Variants in FRMD4A observed in about 807,000 individuals in gnomAD.
The protein encoded by FRMD4A is FERM domain containing 4A.
Under a neutral mutation model 129.1 loss-of-function variants are expected in FRMD4A, and 29 were observed. The observed-to-expected ratio is 0.22, with a 90% CI of 0.17 to 0.31. FRMD4A has a LOEUF of 0.31. Ranked by LOEUF, FRMD4A falls within the 10% of genes least tolerant of loss-of-function variation. The probability of loss-of-function intolerance (pLI) is 1.00; values close to 1 mark genes in which losing one functional copy is unlikely to be tolerated. For synonymous variants in FRMD4A, 634 were observed against 571.6 expected (o/e 1.11, Z -1.56); for missense variants, 1,272 against 1,375.8 (o/e 0.92, Z 1.19).
chr10:13,995,077 T>C (rs4750449), intron 2 of FRMD4A, among the ~76,000 whole-genome samples: 1 of 152,162 alleles, frequency 6.6e-6, no homozygotes, highest in East Asian at 1.9e-4. Flanking sequence ...ACTGGATCTC[T>C]TAAGGACAGA....
In FRMD4A at chr10:13,644,755, G is replaced by GA. The variant is rs1443714198; in HGVS notation, c.*2282dup. ...ATCCATGAATCTTCTTTGGGAGAAA[G>GA]AAAAATGGCCCAATGTATAATGTTT... On this transcript the variant is annotated 3_prime_UTR_variant, in exon 25 of 25. Coordinates refer to ENST00000357447, the MANE Select transcript of FRMD4A (RefSeq NM_018027.5). 2 of 150,166 alleles carry GA rather than the reference G, an allele frequency of 1.3e-5. No individual in the cohort carries two copies. Among genetic ancestry groups the GA allele is most frequent in the Non-Finnish European group, 3.0e-5 (2 of 67,506 alleles). 9.3% of individuals were successfully genotyped at this position (150,166 alleles called of 1,614,324 possible). A position where few individuals can be genotyped will look rare whatever the true frequency, so the allele number is the denominator to read the frequency against.
At chr10:13,687,600 T>C (rs778637723) in intron 15 of FRMD4A, among the ~76,000 whole-genome samples, 4 of 152,252 alleles carry the variant, frequency 2.6e-5, no homozygotes, top group African/African-American at 9.6e-5. Context: ...CTTAACCAGA[T>C]GGTTTGAATT....
chr10:13,841,299 G>A (rs2093961283), intron 3 of FRMD4A, among the ~76,000 whole-genome samples: 1 of 152,074 alleles, frequency 6.6e-6, no homozygotes, highest in African/African-American at 2.4e-5. Context: ...CTGATTTTGG[G>A]GAGACAGACA....
At chr10:14,185,460 G>C (rs1022800913) in intron 2 of FRMD4A, among the ~76,000 whole-genome samples, 5 of 152,186 alleles carry the variant, frequency 3.3e-5, no homozygotes, top group South Asian at 2.1e-4. Flanking sequence ...GCAGAAATTA[G>C]TACAAAAAAC....
chr10:13,809,995 A>G (rs924126367), intron 4 of FRMD4A, among the ~76,000 whole-genome samples: 6 of 152,118 alleles, frequency 3.9e-5, no homozygotes, highest in Admixed American at 1.3e-4. Flanking sequence ...GCTCCCCTGT[A>G]CTGTCTTGCC....
At chr10:13,661,311 T>C (rs1333993500) in intron 19 of FRMD4A, among the ~76,000 whole-genome samples, 1 of 152,036 alleles carries the variant, frequency 6.6e-6, no homozygotes, top group Non-Finnish European at 1.5e-5. Flanking sequence ...GGAGGTGCTG[T>C]GGGAGAGGCT....
At chr10:14,263,433 G>GT (rs1170481961) in intron 2 of FRMD4A, among the ~76,000 whole-genome samples, 2 of 152,278 alleles carry the variant, frequency 1.3e-5, no homozygotes, top group Admixed American at 1.3e-4. Flanking sequence ...TTAGGGAACT[G>GT]TTTTTTTAAT....
At chr10:13,876,442 G>A (rs1171371548) in intron 2 of FRMD4A, among the ~76,000 whole-genome samples, 1 of 152,168 alleles carries the variant, frequency 6.6e-6, no homozygotes, top group East Asian at 1.9e-4. Context: ...ATATAAATGT[G>A]TGGTCGAACA....
At chr10:13,987,548 C>T (rs959724906) in intron 2 of FRMD4A, among the ~76,000 whole-genome samples, 2 of 152,164 alleles carry the variant, frequency 1.3e-5, no homozygotes, top group African/African-American at 4.8e-5. Context: ...AGCAGCCAAG[C>T]TGAGACCCTG....
chr10:13,657,806 ATAAT>A (rs1182393951), intron 21 of FRMD4A, among the ~76,000 whole-genome samples: 4 of 124,826 alleles, frequency 3.2e-5, no homozygotes, highest in Non-Finnish European at 6.2e-5. Context: ...TTTTTTTTAA[ATAAT>A]TCTATAGACA....
At chr10:14,080,572 G>C (rs964466097) in intron 2 of FRMD4A, among the ~76,000 whole-genome samples, 3 of 152,208 alleles carry the variant, frequency 2.0e-5, no homozygotes, top group East Asian at 3.9e-4. Context: ...GGGTGGGACT[G>C]TTTGCCAGTG....
chr10:14,316,508 C>CAAAAAA (rs760301974), intron 2 of FRMD4A, among the ~76,000 whole-genome samples: 41 of 109,548 alleles, frequency 3.7e-4, no homozygotes, highest in East Asian at 5.3e-4. Context: ...GTGATAGCAG[C>CAAAAAA]AAAAAAAAAA....
intron 2 of FRMD4A, among the ~76,000 whole-genome samples, chr10:14,191,102 C>G (rs899799419): frequency 6.6e-6 from 1 of 152,126 alleles, no homozygotes; most frequent in African/African-American, 2.4e-5. Context: ...TATATGTTAA[C>G]CTGCACACTC....
intron 3 of FRMD4A, among the ~76,000 whole-genome samples, chr10:13,820,277 G>C (rs918211518): frequency 6.6e-6 from 1 of 152,152 alleles, no homozygotes; most frequent in Non-Finnish European, 1.5e-5. Flanking sequence ...CGAAGACCTC[G>C]TTTCCGTGTA....
intron 2 of FRMD4A, among the ~76,000 whole-genome samples, chr10:14,096,747 C>T (rs1161642943): frequency 6.6e-6 from 1 of 152,154 alleles, no homozygotes; most frequent in Non-Finnish European, 1.5e-5. Flanking sequence ...TGAGCATGAG[C>T]TACAGAAGCA....
intron 2 of FRMD4A, among the ~76,000 whole-genome samples, chr10:14,127,840 A>C (rs1272502058): frequency 6.6e-6 from 1 of 151,994 alleles, no homozygotes; most frequent in Non-Finnish European, 1.5e-5. Context: ...CATCACTCTG[A>C]AGCCTTCCTA....
chr10:14,272,896 C>A (rs1445208323), intron 2 of FRMD4A, among the ~76,000 whole-genome samples: 1 of 152,112 alleles, frequency 6.6e-6, no homozygotes, highest in Admixed American at 6.5e-5. Context: ...ACGTCTTGGT[C>A]TTTGAAATAT....
chr10:13,767,193 A>T lies in FRMD4A; in HGVS notation c.385-4513T>A, dbSNP rs188446288. Among the ~76,000 whole-genome samples, 16 of 151,698 alleles carry T rather than the reference A, an allele frequency of 1.1e-4. No homozygotes were observed. In the East Asian group the frequency reaches 3.1e-3, roughly 29 times the overall value. On this transcript the variant is annotated intron_variant, in intron 6 of 24. Transcript: ENST00000357447. Reference sequence around the variant, plus strand: ...GCTCCCATATGACATTAAGAAAATGACTCTCCCTTTTCCTTATCTGACTTC... The same window carrying T: ...GCTCCCATATGACATTAAGAAAATGTCTCTCCCTTTTCCTTATCTGACTTC...
intron 2 of FRMD4A, among the ~76,000 whole-genome samples, chr10:14,164,570 C>T (rs1053537541): frequency 4.6e-5 from 7 of 152,148 alleles, no homozygotes; most frequent in African/African-American, 1.4e-4. Context: ...TGGGACTCAG[C>T]CTCTTCTCCT....
Sources: gnomAD v4.1 joint callset for allele counts (sites outside exome capture counted in the v4.1 genomes callset) on GRCh38, gnomAD v4.1.1 for gene constraint, MANE v1.5 for transcripts, NCBI Gene and HGNC (gene_info 2026-07-23, HGNC 2026-07-21) for gene names.